PCDH17: variants seen among roughly 807,000 people sequenced by gnomAD.
The protein encoded by PCDH17 is protocadherin-17.
A neutral mutation model predicts 67.7 loss-of-function variants in PCDH17; 21 were observed. The observed-to-expected ratio is 0.31, with a 90% confidence interval of 0.22 to 0.45. The LOEUF (loss-of-function observed/expected upper bound fraction) is 0.45. PCDH17 is among the 20% of genes least tolerant of loss of function. The probability of loss-of-function intolerance (pLI) is 1.00; values close to 1 mark genes in which losing one functional copy is unlikely to be tolerated. For synonymous variants in PCDH17, 701 were observed against 656.7 expected, an observed-to-expected ratio of 1.07 and a Z score of -1.03; for missense variants, 1,471 against 1,564.8, an observed-to-expected ratio of 0.94 and a Z score of 1.01.
chr13:57,644,715 G>A (rs1175201334), intron 1 of PCDH17, among the ~76,000 whole-genome samples: 1 of 151,552 alleles, frequency 6.6e-6, no homozygotes, highest in Non-Finnish European at 1.5e-5. Context: ...CTGGTTAAAG[G>A]TTATGTCAGT....
chr13:57,651,455 G>A (rs138426466), intron 1 of PCDH17, among the ~76,000 whole-genome samples: 1 of 147,264 alleles, frequency 6.8e-6, no homozygotes, highest in East Asian at 2.0e-4. Context: ...CTTTCACATC[G>A]GCCTCCCAAG....
chr13:57,672,849 A>T (rs1291222675), intron 3 of PCDH17, among the ~76,000 whole-genome samples: 1 of 151,942 alleles, frequency 6.6e-6, no homozygotes, highest in African/African-American at 2.4e-5. Context: ...GAGGGTCGAG[A>T]TGCTTATTCC....
rs1566250510 is a variant in PCDH17 at position 57,725,311 on chromosome 13, A to G, written c.*17A>G. 1.3e-6 allele frequency: 2 copies of G among 1,573,934 alleles called. No homozygotes were observed. ...AGAAAGTGAAAAAAGAAAAAAAAAAAGGCATTGGCATTTTCTTGTCTCTTC... is the reference window on the plus strand; with the variant it reads ...AGAAAGTGAAAAAAGAAAAAAAAAAGGGCATTGGCATTTTCTTGTCTCTTC... On this transcript the variant is annotated 3_prime_UTR_variant, in exon 4 of 4. Coordinates refer to ENST00000377918, the MANE Select transcript of PCDH17 (RefSeq NM_001040429.3).
chr13:57,680,376 C>T (rs1955437292), intron 3 of PCDH17, among the ~76,000 whole-genome samples: 1 of 151,416 alleles, frequency 6.6e-6, no homozygotes, highest in South Asian at 2.1e-4. Context: ...CAAGCCATAG[C>T]ATAATTTAGA....
At chr13:57,669,475 C>T (rs1000244119) in intron 3 of PCDH17, among the ~76,000 whole-genome samples, 1 of 151,596 alleles carries the variant, frequency 6.6e-6, no homozygotes, top group African/African-American at 2.4e-5. Flanking sequence ...CTATATATCT[C>T]TTTATCTATC....
At chr13:57,631,379 T>A (rs1198870510), upstream of PCDH17, among the ~76,000 whole-genome samples, 1 of 152,130 alleles carries the variant, frequency 6.6e-6, no homozygotes, top group Non-Finnish European at 1.5e-5. Flanking sequence ...CCCCTTCCTT[T>A]TTATTCGGCC....
chr13:57,698,016 G>T (rs1955627377), intron 3 of PCDH17, among the ~76,000 whole-genome samples: 1 of 151,308 alleles, frequency 6.6e-6, no homozygotes, highest in South Asian at 2.1e-4. Context: ...ACAGCAGTGG[G>T]GCATCTGAAT....
intron 3 of PCDH17, among the ~76,000 whole-genome samples, chr13:57,702,084 A>AT (rs1446497153): frequency 6.6e-6 from 1 of 151,782 alleles, no homozygotes; most frequent in Non-Finnish European, 1.5e-5. Context: ...GGCCCAGTTA[A>AT]TTTTTGTATT....
intron 1 of PCDH17, among the ~76,000 whole-genome samples, chr13:57,655,348 G>A (rs1471797045): frequency 6.6e-6 from 1 of 151,712 alleles, no homozygotes; most frequent in Non-Finnish European, 1.5e-5. Context: ...TGTAAGAATG[G>A]TGAATTTTGT....
At chr13:57,676,691 A>G (rs1285526644) in intron 3 of PCDH17, among the ~76,000 whole-genome samples, 1 of 151,900 alleles carries the variant, frequency 6.6e-6, no homozygotes, top group East Asian at 1.9e-4. Context: ...GCCAAGAAAA[A>G]TACTCAGTAT....
chr13:57,634,149 T>G lies in PCDH17; in HGVS notation c.1603T>G (p.Tyr535Asp). ...VSVNPTNGAI[Y>D]ALRSFNFEQT... is the part of the protein sequence containing the mutation. ...TGTGAATCCCACGAACGGGGCCATC[T>G]ACGCCCTGCGCTCCTTTAACTTCGA... The change falls in exon 1 of 4, where the codon TAC (tyrosine) becomes GAC (aspartate). Residue 535 changes from tyrosine (Y) to aspartate (D), a missense_variant. Tyr to Asp is a radical substitution (Grantham distance 160). Coordinates refer to ENST00000377918, the MANE Select transcript of PCDH17 (RefSeq NM_001040429.3). The surrounding 1 kb of genome is among the most constrained non-coding windows in gnomAD (Gnocchi z 7.8). The G allele has an allele frequency of 6.2e-7, 1 of 1,613,658 alleles. No homozygotes were observed.
intron 3 of PCDH17, among the ~76,000 whole-genome samples, chr13:57,696,990 T>C (rs1358589074): frequency 1.6e-4 from 24 of 151,622 alleles, no homozygotes; most frequent in Admixed American, 1.6e-3. Context: ...TTAATTTTTT[T>C]TGTATTTTTA....
At chr13:57,650,186 G>A (rs1459425503) in intron 1 of PCDH17, among the ~76,000 whole-genome samples, 1 of 150,116 alleles carries the variant, frequency 6.7e-6, no homozygotes, top group Non-Finnish European at 1.5e-5. Context: ...GCCCAGATGA[G>A]ATGTAAATAT....
intron 3 of PCDH17, among the ~76,000 whole-genome samples, chr13:57,707,639 A>G (rs988951945): frequency 1.3e-5 from 2 of 152,018 alleles, no homozygotes; most frequent in African/African-American, 2.4e-5. Context: ...GAAGTACTGC[A>G]AACTGTGTGG....
intron 1 of PCDH17, among the ~76,000 whole-genome samples, chr13:57,642,800 A>G (rs1488002700): frequency 6.6e-6 from 1 of 151,608 alleles, no homozygotes; most frequent in African/African-American, 2.4e-5. Context: ...TGAAAATGCA[A>G]CAGGTATTTA....
intron 3 of PCDH17, among the ~76,000 whole-genome samples, chr13:57,686,558 G>C (rs369693436): frequency 6.6e-6 from 1 of 151,986 alleles, no homozygotes; most frequent in Non-Finnish European, 1.5e-5. Flanking sequence ...GTGGTGGTCA[G>C]TTTGAGTGGA....
chr13:57,692,052 A>T (rs1955564304), intron 3 of PCDH17, among the ~76,000 whole-genome samples: 1 of 151,374 alleles, frequency 6.6e-6, no homozygotes, highest in African/African-American at 2.4e-5. Context: ...TTATAAAATC[A>T]GGAAGATAAT....
chr13:57,657,069 G>A (rs1745903883), intron 1 of PCDH17, among the ~76,000 whole-genome samples: 1 of 151,690 alleles, frequency 6.6e-6, no homozygotes, highest in Non-Finnish European at 1.5e-5. Flanking sequence ...AACTTTTTTC[G>A]AGATTCATAA....
chr13:57,653,948 T>G (rs1436065773), intron 1 of PCDH17, among the ~76,000 whole-genome samples: 1 of 152,112 alleles, frequency 6.6e-6, no homozygotes, highest in African/African-American at 2.4e-5. Context: ...AAAAGAAATA[T>G]GAACAGTTTT....
Sources: gnomAD v4.1 joint callset for allele counts (sites outside exome capture counted in the v4.1 genomes callset) on GRCh38, gnomAD v4.1.1 for gene constraint, Gnocchi (gnomAD v3.1) non-coding constraint, MANE v1.5 for transcripts, NCBI Gene and HGNC (gene_info 2026-07-23, HGNC 2026-07-21) for gene names.